The following ANAPC5 variants were observed in gnomAD, a reference collection of about 807,000 sequenced individuals.
The protein encoded by ANAPC5 is anaphase promoting complex subunit 5.
Under a neutral mutation model 91.3 loss-of-function variants are expected in ANAPC5, and 60 were observed. The ratio of observed to expected loss-of-function variants is 0.66; its 90% CI spans 0.53 to 0.81. The LOEUF is 0.81. Among genes scored for constraint, ANAPC5 ranks in the 40% least tolerant of loss-of-function variants. ANAPC5 has a pLI of 0.00. For missense variants in ANAPC5, 690 were observed against 931.5 expected (o/e 0.74, Z 3.37); for synonymous variants, 340 against 364.1 (o/e 0.93, Z 0.75).
At chr12:121,338,933 TATA>T (rs1305291158) in intron 5 of ANAPC5, among the ~76,000 whole-genome samples, 17 of 152,056 alleles carry the variant, frequency 1.1e-4, no homozygotes, top group Admixed American at 1.1e-3. Context: ...TCCAAATTTA[TATA>T]ATGTGTATAT....
intron 5 of ANAPC5, among the ~76,000 whole-genome samples, chr12:121,341,791 T>A (rs1347139948): frequency 6.6e-6 from 1 of 152,134 alleles, no homozygotes; most frequent in Non-Finnish European, 1.5e-5. Flanking sequence ...ATTATAACTT[T>A]AATAGAAAAA....
intron 15 of ANAPC5, among the ~76,000 whole-genome samples, chr12:121,311,473 C>A (rs572407071): frequency 7.2e-5 from 10 of 138,498 alleles, no homozygotes; most frequent in Admixed American, 6.1e-4. Flanking sequence ...TATAAACAAG[C>A]CAAACAACAG....
Position 121,346,934 on chromosome 12 carries a change from G to C in ANAPC5, c.359C>G (p.Ser120Cys). The C allele has an allele frequency of 6.2e-7, 1 of 1,611,918 alleles. No homozygotes were observed. The highest frequency in any genetic ancestry group is 8.5e-7 in the Non-Finnish European group (1 of 1,179,418). The change falls in exon 3 of 17, where the codon TCT (serine) becomes TGT (cysteine). Residue 120 changes from serine to cysteine, a missense_variant. Physicochemically the swap from Ser to Cys is moderately radical, Grantham distance 112. Around this residue, in one of 5 missense-constraint regions of ANAPC5, gnomAD observed 238 missense variants for 264.9 expected, o/e 0.90. Transcript: ENST00000261819. Reference protein sequence around the residue: ...QFFDDLSDSFSGTEPEVHKTS... With the variant: ...QFFDDLSDSFCGTEPEVHKTS... ...TTTGTGAACCTCTGGTTCAGTTCCAGAGAAAGAATCTGAAAGGTCATCAAA... is the reference window on the plus strand; with the variant it reads ...TTTGTGAACCTCTGGTTCAGTTCCACAGAAAGAATCTGAAAGGTCATCAAA...
In ANAPC5 at chr12:121,352,178, T is replaced by A. The variant is rs781915895; in HGVS notation, c.163A>T (p.Met55Leu). 2.5e-6 allele frequency: 4 copies of A among 1,612,886 alleles called. No homozygotes were observed. The Admixed American group carries it at 6.7e-5, about 27-fold the overall frequency. ...AGCTGGTTGAGCCTCCGCCGCTCCATGAGGCTGACGGCGCCCTCGCCTGTG... is the reference window on the plus strand; with the variant it reads ...AGCTGGTTGAGCCTCCGCCGCTCCAAGAGGCTGACGGCGCCCTCGCCTGTG... ...SRTGEGAVSL[M>L]ERRRLNQLLL... Residue 55 changes from methionine to leucine, a missense_variant, in exon 1 of 17, where the codon ATG becomes TTG. Met to Leu is a conservative substitution (Grantham distance 15). Transcript: ENST00000261819.
At chr12:121,348,386 C>T (rs1053812675) in intron 1 of ANAPC5, among the ~76,000 whole-genome samples, 6 of 152,158 alleles carry the variant, frequency 3.9e-5, no homozygotes, top group Admixed American at 2.0e-4. Flanking sequence ...GACGAGAGGC[C>T]GGGCACAGTG....
At chr12:121,313,196 T>C (rs985392778) in intron 15 of ANAPC5, among the ~76,000 whole-genome samples, 4 of 149,090 alleles carry the variant, frequency 2.7e-5, no homozygotes, top group Non-Finnish European at 4.5e-5. Context: ...CGTGGTAGCA[T>C]GCGCCTGTAA....
In ANAPC5 at chr12:121,308,297, A is replaced by G. The variant is rs2136746748; in HGVS notation, c.*183T>C. ...AAAAAGTTGGTGTCCTTTGCTACCA[A>G]AAGGGAAGAAAAGGGGAATAAAACA... On this transcript the variant is annotated 3_prime_UTR_variant, in exon 17 of 17. Coordinates refer to ENST00000261819, the MANE Select transcript of ANAPC5 (RefSeq NM_016237.5). 1.7e-6 allele frequency: 1 copy of G among 582,966 alleles called. No homozygotes were observed. Among genetic ancestry groups the G allele is most frequent in the East Asian group, 2.9e-5 (1 of 34,838 alleles). The allele number at this position is 582,966 out of a possible 1,614,324, so 36.1% of individuals were successfully genotyped here. A position where few individuals can be genotyped will look rare whatever the true frequency, so the allele number is the denominator to read the frequency against.
chr12:121,350,914 T>C (rs1002480859), intron 1 of ANAPC5: 1 of 323,172 alleles, frequency 3.1e-6, no homozygotes, highest in South Asian at 2.2e-5. Context: ...GGAAGGTATA[T>C]GCCATATGTG....
chr12:121,340,977 G>T (rs1903435011), intron 5 of ANAPC5, among the ~76,000 whole-genome samples: 1 of 152,034 alleles, frequency 6.6e-6, no homozygotes, highest in Admixed American at 6.6e-5. Context: ...AAATAACACA[G>T]AAAAATGTTC....
Position 121,342,090 on chromosome 12 carries a change from A to G in ANAPC5, c.591-21T>C. 1 of 1,546,234 alleles carries G rather than the reference A, an allele frequency of 6.5e-7. No homozygotes were observed. Among genetic ancestry groups the G allele is most frequent in the South Asian group, 1.2e-5 (1 of 86,042 alleles). On this transcript the variant is annotated intron_variant, in intron 4 of 16. Transcript: ENST00000261819. The surrounding 1 kb of genome is among the most constrained non-coding windows in gnomAD (Gnocchi z 4.1). ...CTTCTCTGGAAAAAATAAAAAAACA[A>G]AAATAGTAAAGAATTACACAAAAGT... is the stretch of plus-strand genomic sequence containing the variant.
intron 10 of ANAPC5, 52 bp downstream of exon 10, chr12:121,328,264 G>T: frequency 6.4e-7 from 1 of 1,564,996 alleles, no homozygotes; most frequent in Non-Finnish European, 8.8e-7. Flanking sequence ...CAGCTTGCTA[G>T]CTCCTGCTTC....
intron 9 of ANAPC5, among the ~76,000 whole-genome samples, chr12:121,329,572 A>G (rs1367699415): frequency 1.3e-5 from 2 of 151,626 alleles, no homozygotes; most frequent in Admixed American, 6.6e-5. Flanking sequence ...CTAGTTTTCA[A>G]TGGGTGTTTC....
chr12:121,317,571 A>G (rs1298025328), intron 15 of ANAPC5, among the ~76,000 whole-genome samples: 1 of 147,466 alleles, frequency 6.8e-6, no homozygotes, highest in Admixed American at 6.8e-5. Context: ...TTATCTCAAG[A>G]AAAAAAAAAA....
rs540659440 is a variant in ANAPC5, at chr12:121,330,449, T to A, written c.1122+134A>T. On this transcript the variant is annotated intron_variant, in intron 9 of 16. Coordinates refer to ENST00000261819, the MANE Select transcript of ANAPC5 (RefSeq NM_016237.5). Reference sequence around the variant, plus strand: ...GGTCTGATTAATAATTAAAGTCATATGAAACTGCCAAGAATAAAACCACAC... The same window carrying A: ...GGTCTGATTAATAATTAAAGTCATAAGAAACTGCCAAGAATAAAACCACAC... 36 of 658,394 alleles carry A rather than the reference T, an allele frequency of 5.5e-5. No individual in the cohort carries two copies. The African/African-American group carries it at 6.2e-4, about 11-fold the overall frequency. The allele number at this position is 658,394 out of a possible 1,614,324, so 40.8% of individuals were successfully genotyped here.
At chr12:121,344,229 G>C (rs1378863294) in intron 4 of ANAPC5, among the ~76,000 whole-genome samples, 1 of 152,146 alleles carries the variant, frequency 6.6e-6, no homozygotes, top group African/African-American at 2.4e-5. Flanking sequence ...AAGCAAGCAA[G>C]CAAGTAAATT....
intron 4 of ANAPC5, among the ~76,000 whole-genome samples, chr12:121,344,390 C>G (rs569209146): frequency 6.6e-6 from 1 of 152,118 alleles, no homozygotes; most frequent in South Asian, 2.1e-4. Flanking sequence ...ACCAGCCTGG[C>G]CAACACAGTG....
intron 1 of ANAPC5, among the ~76,000 whole-genome samples, chr12:121,351,834 C>T (rs900155226): frequency 6.6e-6 from 1 of 151,922 alleles, no homozygotes; most frequent in Admixed American, 6.6e-5. Flanking sequence ...GTGTCTCCAA[C>T]GCTCTATTGT....
intron 3 of ANAPC5, chr12:121,346,346 G>C (rs564852419): frequency 4.4e-6 from 1 of 227,498 alleles, no homozygotes; most frequent in African/African-American, 2.3e-5. Context: ...CCCCCAACCA[G>C]AGGTAATCTC....
In ANAPC5 at chr12:121,318,488, A is replaced by G; in HGVS notation, c.1745+13T>C. 6.2e-7 allele frequency: 1 copy of G among 1,613,640 alleles called. No homozygotes were observed. Among genetic ancestry groups the G allele is most frequent in the Non-Finnish European group, 8.5e-7 (1 of 1,179,704 alleles). ...CCACCACATCTCCGTGAGATGTACA[A>G]GAGACCCCTTACCTGATCACCATTT... is the stretch of plus-strand genomic sequence containing the variant. On this transcript the variant is annotated intron_variant, in intron 14 of 16. Coordinates refer to ENST00000261819, the MANE Select transcript of ANAPC5 (RefSeq NM_016237.5).
Sources: gnomAD v4.1 joint callset for allele counts (sites outside exome capture counted in the v4.1 genomes callset) on GRCh38, gnomAD v4.1.1 for gene constraint, gnomAD v4.1.1 regional missense constraint, Gnocchi (gnomAD v3.1) non-coding constraint, MANE v1.5 for transcripts, NCBI Gene and HGNC (gene_info 2026-07-23, HGNC 2026-07-21) for gene names.